JAKMIP3: variants seen among roughly 807,000 people sequenced by gnomAD.
JAKMIP3 encodes janus kinase and microtubule-interacting protein 3.
A neutral mutation model predicts 118.5 loss-of-function variants in JAKMIP3; 58 were observed. The ratio of observed to expected loss-of-function variants is 0.49; its 90% CI spans 0.40 to 0.61. The LOEUF is 0.61. Among genes scored for constraint, JAKMIP3 ranks in the 20% least tolerant of loss-of-function variants. The pLI is 0.00. For missense variants in JAKMIP3, 950 were observed against 1,109.0 expected (o/e 0.86, Z 2.04); for synonymous variants, 486 against 451.2 (o/e 1.08, Z -0.98).
intron 23 of JAKMIP3, among the ~76,000 whole-genome samples, chr10:132,171,789 G>T (rs951138225): frequency 6.6e-6 from 1 of 151,794 alleles, no homozygotes; most frequent in Non-Finnish European, 1.5e-5. Context: ...CGAGTAGCGG[G>T]GATTACAGGC....
intron 1 of JAKMIP3, among the ~76,000 whole-genome samples, chr10:132,070,439 C>G (rs1042046630): frequency 2.4e-4 from 36 of 152,186 alleles, no homozygotes; most frequent in African/African-American, 8.4e-4. Flanking sequence ...TGAGCCACCG[C>G]GCCCGACCTG....
chr10:132,145,672 G>A, intron 13 of JAKMIP3, 92 bp downstream of exon 13: 1 of 1,092,138 alleles, frequency 9.2e-7, no homozygotes, highest in South Asian at 1.4e-5. Flanking sequence ...ATGGAGCGAG[G>A]GCTGAGGCTT....
At chr10:132,159,795 G>GCA (rs1564982520) in intron 19 of JAKMIP3, among the ~76,000 whole-genome samples, 1 of 52,240 alleles carries the variant, frequency 1.9e-5, no homozygotes, top group Non-Finnish European at 3.9e-5. Flanking sequence ...GTGTGATGCT[G>GCA]GGGGGCCTCT....
chr10:132,180,784 C>CGTGTGTGTGTGT (rs747427248), intron 23 of JAKMIP3, among the ~76,000 whole-genome samples: 5 of 54,814 alleles, frequency 9.1e-5, no homozygotes, highest in South Asian at 5.6e-4. Flanking sequence ...TGTGTGTGTG[C>CGTGTGTGTGTGT]GCGTATGCAT....
chr10:132,060,932 A>G (rs1189622007), upstream of JAKMIP3, among the ~76,000 whole-genome samples: 1 of 152,192 alleles, frequency 6.6e-6, no homozygotes, highest in African/African-American at 2.4e-5. Flanking sequence ...AGGCAGGAGA[A>G]TCGCTTGAAC....
chr10:132,138,508 G>A lies in JAKMIP3; in HGVS notation c.1344+330G>A, dbSNP rs117821492. Among the ~76,000 whole-genome samples, 35 of 152,332 alleles carry A rather than the reference G, an allele frequency of 2.3e-4. No homozygotes were observed. The East Asian group carries it at 2.7e-3, about 12-fold the overall frequency. On this transcript the variant is annotated intron_variant, in intron 9 of 23. Coordinates refer to ENST00000684848, the MANE Select transcript of JAKMIP3 (RefSeq NM_001323087.2). Reference sequence around the variant, plus strand: ...TGGTGTGTGTGGAGAGCGTGCTGGCGTGTGCTTAGTAGGAATCAGTCTTTG... The same window carrying A: ...TGGTGTGTGTGGAGAGCGTGCTGGCATGTGCTTAGTAGGAATCAGTCTTTG...
Position 132,126,004 on chromosome 10 carries a change from A to C in JAKMIP3, c.634-7308A>C, listed in dbSNP as rs184332025. ...CAGCCGTAAACTCATGGGCTCACGC[A>C]GTCCTCCCGCCTCACGTCCCAAAGT... is the stretch of plus-strand genomic sequence containing the variant. On this transcript the variant is annotated intron_variant, in intron 3 of 23. Transcript: ENST00000684848. 1.7e-3 allele frequency among the ~76,000 whole-genome samples: 263 copies of C among 152,332 alleles called. 1 individual carries two copies. Among genetic ancestry groups the C allele is most frequent in the African/African-American group, 6.2e-3 (259 of 41,572 alleles).
intron 23 of JAKMIP3, among the ~76,000 whole-genome samples, chr10:132,174,488 C>T (rs990593909): frequency 1.3e-5 from 2 of 151,950 alleles, no homozygotes; most frequent in East Asian, 1.9e-4. Context: ...GGAATCCCCT[C>T]GGGTGAAAGG....
At chr10:132,085,586 C>T (rs372506236) in intron 1 of JAKMIP3, among the ~76,000 whole-genome samples, 46 of 151,774 alleles carry the variant, frequency 3.0e-4, no homozygotes, top group Admixed American at 7.2e-4. Context: ...CTGCAACCTC[C>T]GCTTCCTGGG....
At chr10:132,125,279 T>C (rs2049306887) in intron 3 of JAKMIP3, among the ~76,000 whole-genome samples, 1 of 152,266 alleles carries the variant, frequency 6.6e-6, no homozygotes. Context: ...TGGATATCCC[T>C]GCTTGCTGTG....
At chr10:132,165,237 C>T (rs2058774490) in intron 21 of JAKMIP3, among the ~76,000 whole-genome samples, 1 of 152,188 alleles carries the variant, frequency 6.6e-6, no homozygotes, top group South Asian at 2.1e-4. Context: ...GGTCCCAGCT[C>T]CGTGAGGTGT....
At chr10:132,077,172 G>C (rs1039329668) in intron 1 of JAKMIP3, among the ~76,000 whole-genome samples, 1 of 152,200 alleles carries the variant, frequency 6.6e-6, no homozygotes, top group African/African-American at 2.4e-5. Context: ...TTGCTTCCAC[G>C]CTTAGCCTAG....
intron 21 of JAKMIP3, among the ~76,000 whole-genome samples, chr10:132,166,312 T>A (rs978304611): frequency 2.6e-5 from 4 of 152,198 alleles, no homozygotes; most frequent in African/African-American, 9.7e-5. Context: ...GGTGACCGAC[T>A]GAGATCCTGT....
intron 2 of JAKMIP3, among the ~76,000 whole-genome samples, chr10:132,114,948 C>T (rs118131408): frequency 2.1e-3 from 324 of 152,210 alleles, no homozygotes; most frequent in Non-Finnish European, 4.0e-3. Context: ...TTGAATTGAG[C>T]GTTCCTCAAT....
At chr10:132,136,940 A>G (rs2051910014) in intron 6 of JAKMIP3, 79 bp from the exon 7 acceptor site, 1 of 1,500,104 alleles carries the variant, frequency 6.7e-7, no homozygotes, top group African/African-American at 1.4e-5. Flanking sequence ...TTGAGGGAGA[A>G]GACCCCCCCG....
At chr10:132,133,560 G>C in intron 4 of JAKMIP3, 33 bp downstream of exon 4, 1 of 1,536,560 alleles carries the variant, frequency 6.5e-7, no homozygotes, top group Non-Finnish European at 8.8e-7. Flanking sequence ...GGCCCACCCC[G>C]TGTCACAGAC....
intron 1 of JAKMIP3, among the ~76,000 whole-genome samples, chr10:132,068,845 A>T (rs2039356407): frequency 6.6e-6 from 1 of 152,174 alleles, no homozygotes; most frequent in Non-Finnish European, 1.5e-5. Flanking sequence ...CACAGCTGGC[A>T]GGGGCATCAT....
chr10:132,037,410 G>C (rs1227392107), intron 1 of JAKMIP3, among the ~76,000 whole-genome samples: 2 of 152,124 alleles, frequency 1.3e-5, no homozygotes, highest in Non-Finnish European at 2.9e-5. Context: ...TGTAAGAAAT[G>C]GGGTGGTGAC....
At chr10:132,039,356 C>A (rs934560847) in intron 1 of JAKMIP3, among the ~76,000 whole-genome samples, 37 of 150,742 alleles carry the variant, frequency 2.5e-4, no homozygotes, top group Non-Finnish European at 4.7e-4. Context: ...CCACACCAGG[C>A]CCCCGTCTGC....
Sources: allele counts gnomAD v4.1 joint callset (sites outside exome capture counted in the v4.1 genomes callset), GRCh38; gene constraint gnomAD v4.1.1; transcripts MANE v1.5; gene names NCBI Gene and HGNC (gene_info 2026-07-23, HGNC 2026-07-21).